Variants in PRKCQ observed in about 807,000 individuals in gnomAD.
PRKCQ encodes protein kinase C theta type.
Under a neutral mutation model 91.2 loss-of-function variants are expected in PRKCQ, and 41 were observed. The observed-to-expected ratio is 0.45, with a 90% CI of 0.35 to 0.58. The LOEUF is 0.58. PRKCQ is among the 20% of genes least tolerant of loss of function. PRKCQ has a pLI of 0.00. For missense variants in PRKCQ, 673 were observed against 896.5 expected (o/e 0.75, Z 3.18); for synonymous variants, 307 against 316.9 (o/e 0.97, Z 0.33).
At chr10:6,503,041 C>T (rs776683077) in intron 4 of PRKCQ, among the ~76,000 whole-genome samples, 21 of 151,992 alleles carry the variant, frequency 1.4e-4, no homozygotes, top group Non-Finnish European at 2.4e-4. Flanking sequence ...CTAGCAAAGC[C>T]GGGGAGAATG....
At chr10:6,501,802 C>T (rs1021564052) in intron 4 of PRKCQ, among the ~76,000 whole-genome samples, 3 of 150,508 alleles carry the variant, frequency 2.0e-5, no homozygotes, top group African/African-American at 4.9e-5. Context: ...CCAGCCTGGG[C>T]GACATGAGCG....
At chr10:6,507,140 T>G (rs1838239341) in intron 4 of PRKCQ, among the ~76,000 whole-genome samples, 1 of 152,232 alleles carries the variant, frequency 6.6e-6, no homozygotes, top group Admixed American at 6.5e-5. Flanking sequence ...TCAACAGTCT[T>G]TTGTATTTAG....
chr10:6,404,577 T>A, the PRKCQ span, among the ~76,000 whole-genome samples: 2 of 88,620 alleles, frequency 2.3e-5, 1 homozygote, highest in Non-Finnish European at 5.5e-5. Flanking sequence ...TTCTTTCTCT[T>A]TCTTTCTTTC....
chr10:6,399,145 A>G, the PRKCQ span, among the ~76,000 whole-genome samples: 1 of 152,240 alleles, frequency 6.6e-6, no homozygotes, highest in Non-Finnish European at 1.5e-5. Flanking sequence ...CTTTGTAGAT[A>G]TGAAAAGGCA....
the PRKCQ span, among the ~76,000 whole-genome samples, chr10:6,406,464 T>A: frequency 6.6e-6 from 1 of 152,240 alleles, no homozygotes; most frequent in Non-Finnish European, 1.5e-5. Context: ...GATTGCAGAT[T>A]ATACCAATGC....
chr10:6,467,397 G>GACAGAC (rs1564324395), intron 12 of PRKCQ, among the ~76,000 whole-genome samples: 1 of 76,200 alleles, frequency 1.3e-5, no homozygotes, highest in Non-Finnish European at 3.1e-5. Flanking sequence ...GACAGAGAGA[G>GACAGAC]AGAGAGAGAG....
chr10:6,436,455 C>T (rs1315370644), intron 16 of PRKCQ, among the ~76,000 whole-genome samples: 1 of 152,156 alleles, frequency 6.6e-6, no homozygotes, highest in Admixed American at 6.5e-5. Context: ...GTATATACTA[C>T]TTATGCCATT....
At chr10:6,551,426 C>G (rs1435874157) in intron 1 of PRKCQ, among the ~76,000 whole-genome samples, 4 of 148,200 alleles carry the variant, frequency 2.7e-5, no homozygotes, top group Non-Finnish European at 1.5e-5. Context: ...TGGAGTCTCA[C>G]TCTGTCACCC....
chr10:6,457,244 C>A (rs938851052), intron 14 of PRKCQ, among the ~76,000 whole-genome samples: 1 of 152,322 alleles, frequency 6.6e-6, no homozygotes, highest in East Asian at 1.9e-4. Flanking sequence ...CCTTGAGAAC[C>A]GGAATCCATC....
intron 11 of PRKCQ, among the ~76,000 whole-genome samples, chr10:6,479,435 C>T (rs1836455235): frequency 6.6e-6 from 1 of 152,074 alleles, no homozygotes; most frequent in Non-Finnish European, 1.5e-5. Flanking sequence ...GTGTGCCCTG[C>T]CTGCTCAGGG....
intron 14 of PRKCQ, among the ~76,000 whole-genome samples, chr10:6,458,291 C>A (rs954579456): frequency 1.3e-5 from 2 of 152,128 alleles, no homozygotes; most frequent in African/African-American, 4.8e-5. Flanking sequence ...CATGTGAAGC[C>A]AGCCCCCCAT....
intron 16 of PRKCQ, among the ~76,000 whole-genome samples, chr10:6,435,819 A>G (rs944180112): frequency 1.3e-5 from 2 of 152,218 alleles, no homozygotes; most frequent in Non-Finnish European, 2.9e-5. Context: ...AGCTTCATTT[A>G]GAACTTCTTT....
intron 1 of PRKCQ, among the ~76,000 whole-genome samples, chr10:6,574,216 C>T (rs1156823803): frequency 1.3e-5 from 2 of 152,184 alleles, no homozygotes; most frequent in East Asian, 1.9e-4. Flanking sequence ...CAGCTGCCAA[C>T]GTATAGGTGA....
At position 6,576,539 on chromosome 10, in the gene PRKCQ, G is replaced by C. The variant is rs1841243935; in HGVS notation, c.-10+3672C>G. ...AGTAGAAGGGTGGCTGCCAGGGGCT[G>C]AGAGGAAAGACGGATGAGGAACGAA... On this transcript the variant is annotated intron_variant, in intron 1 of 17. Coordinates refer to ENST00000263125, the MANE Select transcript of PRKCQ (RefSeq NM_006257.5). This position sits in a 1 kb window ranked among gnomAD's most constrained non-coding sequence, Gnocchi z 4.2. Among the ~76,000 whole-genome samples the C allele has an allele frequency of 6.6e-6, 1 of 152,216 alleles. No homozygotes were observed. The highest frequency in any genetic ancestry group is 2.1e-4 in the South Asian group (1 of 4,828).
At chr10:6,527,030 G>A (rs963212568) in intron 1 of PRKCQ, among the ~76,000 whole-genome samples, 7 of 152,164 alleles carry the variant, frequency 4.6e-5, no homozygotes, top group East Asian at 1.9e-4. Context: ...GGAGCAGGGC[G>A]GCCTCAAGGT....
the PRKCQ span, among the ~76,000 whole-genome samples, chr10:6,394,656 T>C: frequency 1.4e-5 from 2 of 143,740 alleles, no homozygotes; most frequent in South Asian, 2.1e-4. Context: ...CCACGGTGGG[T>C]CAGCTGTTGA....
chr10:6,578,369 A>G (rs1428766308), intron 1 of PRKCQ, among the ~76,000 whole-genome samples: 1 of 152,238 alleles, frequency 6.6e-6, no homozygotes, highest in Non-Finnish European at 1.5e-5. Flanking sequence ...GAACATGACA[A>G]CGCGGATGGT....
intron 15 of PRKCQ, among the ~76,000 whole-genome samples, chr10:6,449,517 T>C (rs1309653674): frequency 6.6e-6 from 1 of 152,036 alleles, no homozygotes; most frequent in Non-Finnish European, 1.5e-5. Context: ...CTGCAGGATA[T>C]TATCCAGGAG....
chr10:6,466,817 A>G (rs1039756336), intron 12 of PRKCQ, among the ~76,000 whole-genome samples: 5 of 152,194 alleles, frequency 3.3e-5, no homozygotes, highest in African/African-American at 1.2e-4. Flanking sequence ...CCTGCTGGAA[A>G]GACTCTGGGC....
Sources: allele counts gnomAD v4.1 joint callset (sites outside exome capture counted in the v4.1 genomes callset), GRCh38; gene constraint gnomAD v4.1.1; non-coding constraint Gnocchi (gnomAD v3.1); transcripts MANE v1.5; gene names NCBI Gene and HGNC (gene_info 2026-07-23, HGNC 2026-07-21).